Variants in HDAC9 observed in about 807,000 individuals in gnomAD.
The protein encoded by HDAC9 is MEF-2 interacting transcription repressor (MITR) protein.
In HDAC9, 41 loss-of-function variants were observed where a neutral mutation model predicts 139.4. The observed-to-expected ratio is 0.29, with a 90% CI of 0.23 to 0.38. The LOEUF (loss-of-function observed/expected upper bound fraction) is 0.38. HDAC9 is among the 10% of genes least tolerant of loss of function. The probability of loss-of-function intolerance (pLI) is 1.00; values close to 1 mark genes in which losing one functional copy is unlikely to be tolerated. For missense variants in HDAC9, 1,147 were observed against 1,297.0 expected (o/e 0.88, Z 1.78); for synonymous variants, 517 against 476.2 (o/e 1.09, Z -1.12).
At chr7:18,541,146 T>TTG (rs1470362122) in intron 2 of HDAC9, among the ~76,000 whole-genome samples, 8 of 146,022 alleles carry the variant, frequency 5.5e-5, no homozygotes, top group Non-Finnish European at 7.5e-5. Context: ...ACCGTGTTTT[T>TTG]TTTTTTTTTT....
At chr7:18,361,134 C>T (rs1308947688) in intron 1 of HDAC9, among the ~76,000 whole-genome samples, 1 of 152,030 alleles carries the variant, frequency 6.6e-6, no homozygotes, top group Non-Finnish European at 1.5e-5. Context: ...GTCTACATAC[C>T]ATCCAACTAT....
At chr7:18,652,342 G>A (rs997874599) in intron 11 of HDAC9, among the ~76,000 whole-genome samples, 2 of 151,994 alleles carry the variant, frequency 1.3e-5, no homozygotes, top group Non-Finnish European at 2.9e-5. Context: ...TAAGGTATTG[G>A]TAATTTTCTC....
At chr7:18,925,800 C>T (rs1454204554) in intron 22 of HDAC9, among the ~76,000 whole-genome samples, 2 of 151,770 alleles carry the variant, frequency 1.3e-5, no homozygotes, top group Non-Finnish European at 2.9e-5. Context: ...TGATTTTCTA[C>T]TTATATTGGC....
At chr7:18,429,541 G>A (rs1187892780) in intron 1 of HDAC9, among the ~76,000 whole-genome samples, 1 of 150,028 alleles carries the variant, frequency 6.7e-6, no homozygotes, top group African/African-American at 2.5e-5. Context: ...GACTCTGTGT[G>A]TGTGTATTTG....
At chr7:18,576,519 A>G (rs1302897474) in intron 2 of HDAC9, among the ~76,000 whole-genome samples, 3 of 152,004 alleles carry the variant, frequency 2.0e-5, no homozygotes, top group Non-Finnish European at 4.4e-5. Context: ...AAAATTAGCC[A>G]GGCATGCTGG....
At chr7:18,178,531 G>C (rs796953992) in intron 2 of HDAC9, among the ~76,000 whole-genome samples, 1 of 152,202 alleles carries the variant, frequency 6.6e-6, no homozygotes, top group African/African-American at 2.4e-5. Flanking sequence ...TAGCACAGCG[G>C]TAGAAGCAGA....
chr7:18,281,927 A>T (rs1453174452), intron 2 of HDAC9, among the ~76,000 whole-genome samples: 1 of 152,224 alleles, frequency 6.6e-6, no homozygotes, highest in East Asian at 1.9e-4. Flanking sequence ...AACATAATTA[A>T]AAATTGAAGG....
chr7:18,553,300 G>A (rs1369690102), intron 2 of HDAC9, among the ~76,000 whole-genome samples: 1 of 152,020 alleles, frequency 6.6e-6, no homozygotes, highest in Non-Finnish European at 1.5e-5. Context: ...CTGTTTTATT[G>A]TAAAATAAAA....
chr7:18,506,240 G>A (rs1468095263), intron 2 of HDAC9, among the ~76,000 whole-genome samples: 1 of 152,176 alleles, frequency 6.6e-6, no homozygotes, highest in East Asian at 1.9e-4. Flanking sequence ...TGAGAGAAAA[G>A]GGAGAGCTCT....
chr7:18,609,614 C>G (rs532118279), intron 6 of HDAC9, among the ~76,000 whole-genome samples: 1 of 151,950 alleles, frequency 6.6e-6, no homozygotes, highest in Non-Finnish European at 1.5e-5. Flanking sequence ...TTTCAGAACT[C>G]GTTAATTTTT....
chr7:18,582,243 A>G (rs1033235341), intron 2 of HDAC9, among the ~76,000 whole-genome samples: 4 of 152,220 alleles, frequency 2.6e-5, no homozygotes, highest in African/African-American at 9.6e-5. Context: ...ATAGTAATAG[A>G]GCATTAGATG....
intron 15 of HDAC9, among the ~76,000 whole-genome samples, chr7:18,762,657 T>C (rs1789494031): frequency 6.6e-6 from 1 of 152,198 alleles, no homozygotes. Flanking sequence ...TATCTTTTAG[T>C]TCTTTGTTCT....
chr7:18,880,082 G>C (rs1280015645), intron 22 of HDAC9, among the ~76,000 whole-genome samples: 1 of 152,152 alleles, frequency 6.6e-6, no homozygotes, highest in Non-Finnish European at 1.5e-5. Flanking sequence ...GATCATTAGA[G>C]AAATGCGATC....
At chr7:18,677,839 A>G (rs990419090) in intron 12 of HDAC9, among the ~76,000 whole-genome samples, 4 of 151,982 alleles carry the variant, frequency 2.6e-5, no homozygotes, top group East Asian at 3.9e-4. Flanking sequence ...TTAAGCACTA[A>G]CACTAGCACT....
intron 1 of HDAC9, among the ~76,000 whole-genome samples, chr7:18,418,048 C>T (rs1789249986): frequency 6.6e-6 from 1 of 152,186 alleles, no homozygotes; most frequent in African/African-American, 2.4e-5. Flanking sequence ...TTGGCAACAA[C>T]TTTGCACAAT....
intron 2 of HDAC9, among the ~76,000 whole-genome samples, chr7:18,542,824 T>G (rs1338669474): frequency 1.3e-5 from 2 of 152,186 alleles, no homozygotes; most frequent in Non-Finnish European, 2.9e-5. Context: ...AATCTAGCTC[T>G]AGAAATTTAT....
intron 1 of HDAC9, among the ~76,000 whole-genome samples, chr7:18,411,087 T>G (rs1585706324): frequency 6.6e-6 from 1 of 152,168 alleles, no homozygotes; most frequent in East Asian, 1.9e-4. Flanking sequence ...GTTTGGGAGG[T>G]GCTAATAAGC....
chr7:18,576,444 T>A (rs1426870825), intron 2 of HDAC9, among the ~76,000 whole-genome samples: 1 of 152,000 alleles, frequency 6.6e-6, no homozygotes, highest in Non-Finnish European at 1.5e-5. Flanking sequence ...GGAGGATCAC[T>A]TGAGGTCAGG....
chr7:18,600,770 A>T (rs1410895497), intron 6 of HDAC9, among the ~76,000 whole-genome samples: 1 of 152,112 alleles, frequency 6.6e-6, no homozygotes, highest in Admixed American at 6.6e-5. Flanking sequence ...GCCTCTGGGT[A>T]TAAAGTTTAG....
Sources: gnomAD v4.1 joint callset for allele counts (sites outside exome capture counted in the v4.1 genomes callset) on GRCh38, gnomAD v4.1.1 for gene constraint, MANE v1.5 for transcripts, NCBI Gene and HGNC (gene_info 2026-07-23, HGNC 2026-07-21) for gene names.